The following BEND3 variants were observed in gnomAD, a reference collection of about 807,000 sequenced individuals.
BEND3 encodes the protein BEN domain-containing protein 3.
In BEND3, 13 loss-of-function variants were observed where a neutral mutation model predicts 60.1. The ratio of observed to expected loss-of-function variants is 0.22; its 90% CI spans 0.14 to 0.34. BEND3 has a LOEUF of 0.34. BEND3 is among the 10% of genes least tolerant of loss of function. BEND3 has a pLI of 1.00. For synonymous variants in BEND3, 497 were observed against 491.5 expected (o/e 1.01, Z -0.15); for missense variants, 896 against 1,138.1 (o/e 0.79, Z 3.06).
intron 3 of BEND3, among the ~76,000 whole-genome samples, chr6:107,095,164 C>T (rs1775559210): frequency 6.6e-6 from 1 of 151,824 alleles, no homozygotes; most frequent in Non-Finnish European, 1.5e-5. Flanking sequence ...ACAGAGAGAA[C>T]CTGTCTCAAA....
rs1554236380 is a variant in BEND3, at chr6:107,098,753, A to G, written c.38T>C (p.Val13Ala). 1 of 1,613,548 alleles carries G rather than the reference A, an allele frequency of 6.2e-7. No homozygotes were observed. Among genetic ancestry groups the G allele is most frequent in the South Asian group, 1.1e-5 (1 of 91,050 alleles). Reference protein sequence around the residue: ...STEFTEDVEEVLKSITVKVET... With the variant: ...STEFTEDVEEALKSITVKVET... ...CACTTTCACAGTGATACTTTTTAGA[A>G]CTGTGTCAGAGAAGAAATAGGGCTC... Residue 13 changes from valine to alanine, a missense_variant and splice_region_variant, in exon 3 of 4, where the codon GTT becomes GCT. Coordinates refer to ENST00000369042, the MANE Select transcript of BEND3 (RefSeq NM_001367314.1).
chr6:107,073,951 G>C (rs1022870762), intron 3 of BEND3, among the ~76,000 whole-genome samples: 2 of 152,128 alleles, frequency 1.3e-5, no homozygotes. Context: ...TGGCATGAAG[G>C]TGTGGCTAAG....
intron 3 of BEND3, among the ~76,000 whole-genome samples, chr6:107,073,818 T>C (rs1260766013): frequency 1.3e-5 from 2 of 151,042 alleles, no homozygotes; most frequent in African/African-American, 2.4e-5. Flanking sequence ...GCCTGGGAGA[T>C]TGAGGCTTCG....
intron 3 of BEND3, among the ~76,000 whole-genome samples, chr6:107,087,318 CAAAAA>C (rs1775373720): frequency 6.8e-6 from 1 of 147,944 alleles, no homozygotes; most frequent in South Asian, 2.4e-4. Flanking sequence ...AACTCCAACT[CAAAAA>C]AGAAAAGAAA....
At chr6:107,071,265 C>T (rs34907985) in intron 3 of BEND3, among the ~76,000 whole-genome samples, 36,369 of 152,200 alleles carry the variant, frequency 0.24, 5,607 homozygotes, top group Non-Finnish European at 0.34. Flanking sequence ...GCTGGCAATA[C>T]TGGGCAAGAA....
At chr6:107,109,255 C>T (rs1444573982) in intron 1 of BEND3, among the ~76,000 whole-genome samples, 1 of 150,372 alleles carries the variant, frequency 6.7e-6, no homozygotes, top group East Asian at 2.0e-4. Flanking sequence ...ACCAGCCTGG[C>T]CAACATGACA....
At chr6:107,098,840 G>A (rs548464991) in intron 2 of BEND3, 87 bp from the exon 3 acceptor site, 1 of 1,165,986 alleles carries the variant, frequency 8.6e-7, no homozygotes, top group Non-Finnish European at 1.3e-6. Context: ...GGGTGTCTGT[G>A]GGCCGCCCTT....
rs1289477014 is a variant in BEND3 at position 107,115,388 on chromosome 6, G to GCCCCT, written c.-315_-311dup. ...ACCCCTCCGCCCCCACCCCCGGCCC[G>GCCCCT]CCCCTCCCCCTCAGCGGGGCACACG... On this transcript the variant is annotated 5_prime_UTR_variant, in exon 1 of 4. Transcript: ENST00000369042. 1.3e-5 allele frequency: 2 copies of GCCCCT among 148,762 alleles called. No individual in the cohort carries two copies. The highest frequency in any genetic ancestry group is 1.5e-5 in the Non-Finnish European group (1 of 66,720). 9.2% of individuals were successfully genotyped at this position (148,762 alleles called of 1,614,324 possible).
chr6:107,071,104 G>A (rs1774970638), intron 3 of BEND3, among the ~76,000 whole-genome samples, 154 bp from the exon 4 acceptor site: 1 of 152,178 alleles, frequency 6.6e-6, no homozygotes, highest in African/African-American at 2.4e-5. Flanking sequence ...ATCCAAGGAT[G>A]CACCACTGAT....
At chr6:107,077,976 T>C (rs916278548) in intron 3 of BEND3, among the ~76,000 whole-genome samples, 1 of 152,166 alleles carries the variant, frequency 6.6e-6, no homozygotes, top group Non-Finnish European at 1.5e-5. Context: ...AACCTCTGCC[T>C]GGCATACGGC....
intron 3 of BEND3, among the ~76,000 whole-genome samples, chr6:107,074,635 A>T (rs1327683798): frequency 6.6e-6 from 1 of 152,096 alleles, no homozygotes; most frequent in Non-Finnish European, 1.5e-5. Flanking sequence ...TGGGAATTTA[A>T]GCCCTTTATG....
chr6:107,097,229 T>C (rs1320514553), intron 3 of BEND3, among the ~76,000 whole-genome samples: 1 of 151,176 alleles, frequency 6.6e-6, no homozygotes, highest in African/African-American at 2.4e-5. Context: ...TAGCCGGGCG[T>C]GGTGGCACAC....
At chr6:107,111,753 C>A (rs1770099459) in intron 1 of BEND3, among the ~76,000 whole-genome samples, 1 of 151,664 alleles carries the variant, frequency 6.6e-6, no homozygotes, top group South Asian at 2.1e-4. Context: ...AGGCTGAGGC[C>A]GGTGGATCAC....
chr6:107,113,443 AAAAAAAAAAAC>A (rs1451423001), intron 1 of BEND3, among the ~76,000 whole-genome samples: 11 of 137,716 alleles, frequency 8.0e-5, no homozygotes, highest in Admixed American at 2.2e-4. Flanking sequence ...GTCTCAAAAA[AAAAAAAAAAAC>A]AAAAAAAAAA....
At chr6:107,109,459 T>G (rs868955018) in intron 1 of BEND3, among the ~76,000 whole-genome samples, 6 of 20,760 alleles carry the variant, frequency 2.9e-4, no homozygotes, top group Admixed American at 5.0e-4. Context: ...AAAAAAAAAA[T>G]CGAGGTGGGG....
chr6:107,081,112 T>C (rs1371423143), intron 3 of BEND3, among the ~76,000 whole-genome samples: 1 of 152,098 alleles, frequency 6.6e-6, no homozygotes, highest in African/African-American at 2.4e-5. Flanking sequence ...TTCGCCATGT[T>C]GGCCAGGATG....
At chr6:107,108,984 T>C (rs1044217895) in intron 1 of BEND3, among the ~76,000 whole-genome samples, 1 of 152,052 alleles carries the variant, frequency 6.6e-6, no homozygotes, top group Non-Finnish European at 1.5e-5. Flanking sequence ...TTTGTATTTT[T>C]CACTAGAGAT....
chr6:107,070,268 C>T lies in BEND3; in HGVS notation c.923G>A (p.Arg308His). The change falls in exon 4 of 4, where the codon CGC becomes CAC. Residue 308 changes from arginine to histidine, a missense_variant. Arg to His is a conservative substitution (Grantham distance 29). This residue lies in a region of BEND3 where 846 missense variants were observed against 1,036.7 expected (regional missense o/e 0.82). Coordinates refer to ENST00000369042, the MANE Select transcript of BEND3 (RefSeq NM_001367314.1). The surrounding 1 kb of genome is among the most constrained non-coding windows in gnomAD (Gnocchi z 6.9). ...KLESLHLQLI[R>H]NYVEVYYPSV... ...GGGGTAGTAGACCTCCACATAGTTG[C>T]GGATGAGCTGCAGGTGCAGCGACTC... The T allele has an allele frequency of 2.5e-6, 4 of 1,613,032 alleles. No individual in the cohort carries two copies. The highest frequency in any genetic ancestry group is 1.3e-5 in the African/African-American group (1 of 75,058).
At position 107,069,637 on chromosome 6, in the gene BEND3, C is replaced by G. The variant is rs1390266332; in HGVS notation, c.1554G>C (p.Glu518Asp). ...TGGAGCGGCGACCCGGCCGCTCGCCCTCGAAGCTGTCCTCCACCTTGACCA... is the reference window on the plus strand; with the variant it reads ...TGGAGCGGCGACCCGGCCGCTCGCCGTCGAAGCTGTCCTCCACCTTGACCA... ...ISVVKVEDSFEGERPGRRSKK... is the reference protein window; with the variant it reads ...ISVVKVEDSFDGERPGRRSKK... The change falls in exon 4 of 4, where the codon GAG (glutamate) becomes GAC (aspartate). Residue 518 changes from glutamate (E) to aspartate (D), a missense_variant. Glu to Asp is a conservative substitution (Grantham distance 45, BLOSUM62 2). Around this residue, in one of 4 missense-constraint regions of BEND3, gnomAD observed 846 missense variants for 1,036.7 expected, o/e 0.82. Transcript: ENST00000369042. The G allele has an allele frequency of 1.2e-6, 2 of 1,610,554 alleles. No individual in the cohort carries two copies. The highest frequency in any genetic ancestry group is 1.7e-6 in the Non-Finnish European group (2 of 1,180,004).
Sources: gnomAD v4.1 joint callset for allele counts (sites outside exome capture counted in the v4.1 genomes callset) on GRCh38, gnomAD v4.1.1 for gene constraint, gnomAD v4.1.1 regional missense constraint, Gnocchi (gnomAD v3.1) non-coding constraint, MANE v1.5 for transcripts, NCBI Gene and HGNC (gene_info 2026-07-23, HGNC 2026-07-21) for gene names.